YES1: variants seen among roughly 807,000 people sequenced by gnomAD.
YES1 encodes the protein YES proto-oncogene 1, Src family tyrosine kinase.
In YES1, 39 loss-of-function variants were observed where a neutral mutation model predicts 70.4. The ratio of observed to expected loss-of-function variants is 0.55; its 90% CI spans 0.43 to 0.72. The LOEUF is 0.72. YES1 is among the 30% of genes least tolerant of loss of function. The probability of loss-of-function intolerance (pLI) is 0.00; values close to 1 mark genes in which losing one functional copy is unlikely to be tolerated. For synonymous variants in YES1, 198 were observed against 218.6 expected (o/e 0.91, Z 0.83); for missense variants, 495 against 644.8 (o/e 0.77, Z 2.52).
intron 9 of YES1, among the ~76,000 whole-genome samples, chr18:737,638 T>C (rs972063024): frequency 6.6e-6 from 1 of 152,210 alleles, no homozygotes; most frequent in Non-Finnish European, 1.5e-5. Context: ...CCACAAGGTA[T>C]AGGTTCCCAA....
chr18:782,344 G>A (rs529875098), intron 1 of YES1, among the ~76,000 whole-genome samples: 78 of 152,238 alleles, frequency 5.1e-4, no homozygotes, highest in African/African-American at 1.7e-3. Context: ...AAGGACCCTG[G>A]CCCAGCTTGG....
At chr18:760,281 C>CAACAAGGAGTTTGAGACCAGCCTGGT (rs1904520768) in intron 1 of YES1, among the ~76,000 whole-genome samples, 1 of 151,792 alleles carries the variant, frequency 6.6e-6, no homozygotes. Context: ...ACCAGCCTGG[C>CAACAAGGAGTTTGAGACCAGCCTGGT]CAACATGGTG....
At chr18:752,936 CTG>C (rs1439435010) in intron 2 of YES1, among the ~76,000 whole-genome samples, 5 of 151,988 alleles carry the variant, frequency 3.3e-5, no homozygotes, top group Non-Finnish European at 5.9e-5. Flanking sequence ...CAGCAAGACT[CTG>C]TATCAAAAAA....
chr18:795,963 T>C (rs1367807923), intron 1 of YES1, among the ~76,000 whole-genome samples: 1 of 137,282 alleles, frequency 7.3e-6, no homozygotes, highest in Non-Finnish European at 1.6e-5. Context: ...TATGAGTAAG[T>C]AAAACAAAAG....
rs185286413 is a variant in YES1, at chr18:753,270, G to A, written c.272-1466C>T. On this transcript the variant is annotated intron_variant, in intron 2 of 11. Transcript: ENST00000314574. ...GAATGGCTAAGTAGAGCTAATTAACGTATGCATTGCATCACATATCATTTT... is the reference window on the plus strand; with the variant it reads ...GAATGGCTAAGTAGAGCTAATTAACATATGCATTGCATCACATATCATTTT... Among the ~76,000 whole-genome samples the A allele has an allele frequency of 1.4e-4, 21 of 152,138 alleles. 1 individual carries two copies. The highest frequency in any genetic ancestry group is 1.2e-3 in the South Asian group (6 of 4,818).
Position 756,740 on chromosome 18 carries a change from T to G in YES1, c.88A>C (p.Ser30Arg). The G allele has an allele frequency of 6.2e-7, 1 of 1,614,220 alleles. No homozygotes were observed. Among genetic ancestry groups the G allele is most frequent in the Non-Finnish European group, 8.5e-7 (1 of 1,180,034 alleles). The change falls in exon 2 of 12, where the codon AGC becomes CGC. Residue 30 changes from serine (S) to arginine (R), a missense_variant. Coordinates refer to ENST00000314574, the MANE Select transcript of YES1 (RefSeq NM_005433.4). ...GTAGTGGGTTCTGCTCCATAATGGCTCACACTTGTACTGACAGGCTCTGGA... is the reference window on the plus strand; with the variant it reads ...GTAGTGGGTTCTGCTCCATAATGGCGCACACTTGTACTGACAGGCTCTGGA... The part of the protein sequence containing the change: ...NTPEPVSTSV[S>R]HYGAEPTTVS...
At chr18:757,721 C>G (rs541794110) in intron 1 of YES1, among the ~76,000 whole-genome samples, 1 of 151,866 alleles carries the variant, frequency 6.6e-6, no homozygotes, top group South Asian at 2.1e-4. Flanking sequence ...ACTAGGGAGG[C>G]TGAGGCATGA....
intron 1 of YES1, among the ~76,000 whole-genome samples, chr18:811,808 C>A (rs568326536): frequency 2.0e-5 from 3 of 152,124 alleles, no homozygotes; most frequent in African/African-American, 4.8e-5. Context: ...GCGGTCCACA[C>A]GACCCCAAAG....
chr18:729,683 G>A (rs1412275624), intron 11 of YES1, among the ~76,000 whole-genome samples: 72 of 140,338 alleles, frequency 5.1e-4, no homozygotes, highest in African/African-American at 1.5e-3. Flanking sequence ...CCAGAGTGCA[G>A]CGGCGCAATC....
Position 743,248 on chromosome 18 carries a change from C to T in YES1, c.880+12G>A. On this transcript the variant is annotated intron_variant, in intron 7 of 11. Transcript: ENST00000314574. ...TAAACAATGACAGAAAACAAAAATTCAGGCTTCTTACCCATCCACACTTCG... is the reference window on the plus strand; with the variant it reads ...TAAACAATGACAGAAAACAAAAATTTAGGCTTCTTACCCATCCACACTTCG... The T allele has an allele frequency of 6.2e-7, 1 of 1,601,248 alleles. No homozygotes were observed. Among genetic ancestry groups the T allele is most frequent in the Non-Finnish European group, 8.5e-7 (1 of 1,172,414 alleles).
intron 11 of YES1, among the ~76,000 whole-genome samples, chr18:730,954 T>C (rs1482753058): frequency 7.4e-5 from 5 of 67,636 alleles, no homozygotes; most frequent in Non-Finnish European, 1.2e-4. Flanking sequence ...CAGAGAAGGG[T>C]GAAATCAGCA....
chr18:810,393 A>T (rs899347687), intron 1 of YES1, among the ~76,000 whole-genome samples: 2 of 152,218 alleles, frequency 1.3e-5, no homozygotes, highest in African/African-American at 4.8e-5. Flanking sequence ...TATTAATATT[A>T]TACTTCGACC....
At chr18:728,027 C>G (rs1290473524) in intron 11 of YES1, among the ~76,000 whole-genome samples, 1 of 152,022 alleles carries the variant, frequency 6.6e-6, no homozygotes, top group Non-Finnish European at 1.5e-5. Context: ...GGATGGGACC[C>G]AAGTCTAAAC....
intron 1 of YES1, among the ~76,000 whole-genome samples, chr18:762,650 G>A (rs1318513290): frequency 6.6e-6 from 1 of 151,898 alleles, no homozygotes; most frequent in Non-Finnish European, 1.5e-5. Flanking sequence ...ACTATATACT[G>A]GGTACAACGT....
chr18:721,736 A>G lies in YES1; in HGVS notation c.*2688T>C, dbSNP rs2079954447. 1 of 152,238 alleles carries G rather than the reference A, an allele frequency of 6.6e-6. No individual in the cohort carries two copies. Among genetic ancestry groups the G allele is most frequent in the African/African-American group, 2.4e-5 (1 of 41,436 alleles). 9.4% of individuals were successfully genotyped at this position (152,238 alleles called of 1,614,324 possible). ...GAATGAGAATATGAATAGCAACTAA[A>G]ACGATTAATAGGTGCATTCAATGAG... On this transcript the variant is annotated 3_prime_UTR_variant, in exon 12 of 12. Coordinates refer to ENST00000314574, the MANE Select transcript of YES1 (RefSeq NM_005433.4).
chr18:744,504 C>T (rs2080254843), intron 6 of YES1, among the ~76,000 whole-genome samples: 1 of 151,656 alleles, frequency 6.6e-6, no homozygotes, highest in African/African-American at 2.4e-5. Context: ...ATTCTCCTGC[C>T]TCAGCCTCCC....
chr18:724,761 CAAAAT>C (rs2079998434), intron 11 of YES1, 129 bp from the exon 12 acceptor site: 1 of 679,374 alleles, frequency 1.5e-6, no homozygotes, highest in African/African-American at 1.8e-5. Flanking sequence ...AACAAAGCAA[CAAAAT>C]AAATTTTAAA....
In YES1 at chr18:743,035, C is replaced by G; in HGVS notation, c.943G>C (p.Glu315Gln). Residue 315 changes from glutamate to glutamine, a missense_variant, in exon 8 of 12, where the codon GAA becomes CAA. Transcript: ENST00000314574. ...ATCTGAGCTTCTTGAAGGAAAGCTT[C>G]TGGCATCATTGTACCTGGTTTTAGT... is the stretch of plus-strand genomic sequence containing the variant. ...KTLKPGTMMPEAFLQEAQIMK... is the reference protein window; with the variant it reads ...KTLKPGTMMPQAFLQEAQIMK... 1 of 1,612,374 alleles carries G rather than the reference C, an allele frequency of 6.2e-7. No homozygotes were observed. Among genetic ancestry groups the G allele is most frequent in the East Asian group, 2.2e-5 (1 of 44,848 alleles).
Position 724,399 on chromosome 18 carries a change from G to T in YES1, c.*25C>A. 1 of 1,595,606 alleles carries T rather than the reference G, an allele frequency of 6.3e-7. No homozygotes were observed. The highest frequency in any genetic ancestry group is 8.6e-7 in the Non-Finnish European group (1 of 1,165,612). ...AAGTTCTTTATATTTTGGCAGATTT[G>T]TGCATATAAAATAGGCTACTTGAAT... On this transcript the variant is annotated 3_prime_UTR_variant, in exon 12 of 12. Transcript: ENST00000314574.
Sources: allele counts gnomAD v4.1 joint callset (sites outside exome capture counted in the v4.1 genomes callset), GRCh38; gene constraint gnomAD v4.1.1; transcripts MANE v1.5; gene names NCBI Gene and HGNC (gene_info 2026-07-23, HGNC 2026-07-21).